Variants in NEXN observed in about 807,000 individuals in gnomAD.
NEXN encodes nexilin.
In NEXN, 65 loss-of-function variants were observed where a neutral mutation model predicts 92.6. The observed-to-expected ratio is 0.70, with a 90% CI of 0.57 to 0.86. The LOEUF (loss-of-function observed/expected upper bound fraction) is 0.86, where lower values mean the gene tolerates loss of function less well. Ranked by LOEUF, NEXN falls within the 40% of genes least tolerant of loss-of-function variation. NEXN has a pLI of 0.00. For missense variants in NEXN, 778 were observed against 771.1 expected (o/e 1.01, Z -0.11); for synonymous variants, 254 against 242.5 (o/e 1.05, Z -0.44).
intron 1 of NEXN, among the ~76,000 whole-genome samples, chr1:77,912,958 A>T (rs1648698257): frequency 6.6e-6 from 1 of 152,236 alleles, no homozygotes; most frequent in Non-Finnish European, 1.5e-5. Context: ...CATTAAAATT[A>T]AAAAATTCTG....
rs964605974 is a variant in NEXN, at chr1:77,929,210, T to C, written c.865-106T>C. The C allele has an allele frequency of 6.6e-6, 5 of 755,148 alleles. No homozygotes were observed. The Admixed American group carries it at 9.2e-5, about 14-fold the overall frequency. The allele number at this position is 755,148 out of a possible 1,614,324, so 46.8% of individuals were successfully genotyped here. On this transcript the variant is annotated intron_variant, in intron 8 of 12. Transcript: ENST00000334785. ...ATTTAGGTCAAGTATATTAAGGGCATTGAAACTCCTGTGTGATAGTGGCTA... is the reference window on the plus strand; with the variant it reads ...ATTTAGGTCAAGTATATTAAGGGCACTGAAACTCCTGTGTGATAGTGGCTA...
chr1:77,897,832 G>A (rs1571069708), intron 1 of NEXN, among the ~76,000 whole-genome samples: 1 of 151,896 alleles, frequency 6.6e-6, no homozygotes, highest in East Asian at 1.9e-4. Context: ...CAAAATCAAT[G>A]TGCAAAAATC....
intron 1 of NEXN, among the ~76,000 whole-genome samples, chr1:77,904,674 G>C (rs1029738599): frequency 2.6e-5 from 4 of 152,218 alleles, no homozygotes; most frequent in Non-Finnish European, 5.9e-5. Context: ...CAGGGAGTAA[G>C]AGAAGTGCAA....
At position 77,929,565 on chromosome 1, in the gene NEXN, A is replaced by G; in HGVS notation, c.1053+61A>G. On this transcript the variant is annotated intron_variant, in intron 9 of 12. Coordinates refer to ENST00000334785, the MANE Select transcript of NEXN (RefSeq NM_144573.4). ...TTCACCTTTGAGAATATGTTAATAGAATCATTAGACTTTAGAGAATACCCT... is the reference window on the plus strand; with the variant it reads ...TTCACCTTTGAGAATATGTTAATAGGATCATTAGACTTTAGAGAATACCCT... 4.4e-6 allele frequency: 7 copies of G among 1,600,308 alleles called. No individual in the cohort carries two copies. In the South Asian group the frequency reaches 7.8e-5, roughly 18 times the overall value.
At chr1:77,915,143 A>G (rs986370838) in intron 1 of NEXN, among the ~76,000 whole-genome samples, 1 of 151,278 alleles carries the variant, frequency 6.6e-6, no homozygotes, top group Non-Finnish European at 1.5e-5. Context: ...GTGAGACCCC[A>G]TTTCTATAGA....
chr1:77,933,644 T>C (rs907039448), intron 10 of NEXN, among the ~76,000 whole-genome samples, 165 bp downstream of exon 10: 3 of 152,214 alleles, frequency 2.0e-5, no homozygotes, highest in African/African-American at 7.2e-5. Context: ...GTGTACTTTC[T>C]AGTCTGCTTT....
chr1:77,935,696 T>C, intron 10 of NEXN, 127 bp from the exon 11 acceptor site: 1 of 736,248 alleles, frequency 1.4e-6, no homozygotes, highest in Non-Finnish European at 2.3e-6. Flanking sequence ...CATGTGCCTG[T>C]AGTCCCAGCT....
rs71075780 is a variant in NEXN at position 77,934,011 on chromosome 1, A to ATTTTTTTTTTT, written c.1251+538_1251+548dup. On this transcript the variant is annotated intron_variant, in intron 10 of 12. Coordinates refer to ENST00000334785, the MANE Select transcript of NEXN (RefSeq NM_144573.4). ...CAGCACCATGTCTGGCTAATTTTTA[A>ATTTTTTTTTTT]TTTTTTTTTTTTTTTTGAGATGGAG... Among the ~76,000 whole-genome samples, 15 of 114,320 alleles carry ATTTTTTTTTTT rather than the reference A, an allele frequency of 1.3e-4. 1 individual carries two copies. Among genetic ancestry groups the ATTTTTTTTTTT allele is most frequent in the African/African-American group, 3.3e-4 (9 of 27,660 alleles). The allele number at this position is 114,320 out of a possible 152,430, so 75.0% of individuals were successfully genotyped here.
intron 1 of NEXN, among the ~76,000 whole-genome samples, chr1:77,909,361 A>T (rs1648384501): frequency 6.6e-6 from 1 of 152,138 alleles, no homozygotes; most frequent in Non-Finnish European, 1.5e-5. Flanking sequence ...CAGAAGTTGC[A>T]ATGAGCCAAG....
chr1:77,904,799 G>GTGTT (rs1457883596), intron 1 of NEXN, among the ~76,000 whole-genome samples: 1 of 152,190 alleles, frequency 6.6e-6, no homozygotes, highest in Non-Finnish European at 1.5e-5. Flanking sequence ...AACCTTACCT[G>GTGTT]TGTTTGCAAA....
intron 1 of NEXN, among the ~76,000 whole-genome samples, chr1:77,891,170 GATTT>G (rs1647097799): frequency 6.6e-6 from 1 of 152,032 alleles, no homozygotes; most frequent in Non-Finnish European, 1.5e-5. Flanking sequence ...AGGGTGGGTG[GATTT>G]GTACCCAGAA....
intron 9 of NEXN, chr1:77,932,912 C>T (rs1650420295): frequency 5.3e-6 from 1 of 187,532 alleles, no homozygotes; most frequent in Admixed American, 5.4e-5. Flanking sequence ...CGCCTGTAAT[C>T]CCAGCACTTT....
intron 9 of NEXN, chr1:77,931,862 CCT>C (rs1650339769): frequency 4.6e-5 from 7 of 152,254 alleles, no homozygotes; most frequent in Admixed American, 3.3e-4. Flanking sequence ...CTCTCATTCC[CCT>C]GTGTGTATTT....
chr1:77,909,893 A>G (rs1304882550), intron 1 of NEXN, among the ~76,000 whole-genome samples: 2 of 152,244 alleles, frequency 1.3e-5, no homozygotes, highest in Non-Finnish European at 2.9e-5. Context: ...CGGACATCAC[A>G]AGAAAAGATA....
rs1314447003 is a variant in NEXN at position 77,935,726 on chromosome 1, GA to G, written c.1252-96del. On this transcript the variant is annotated intron_variant, in intron 10 of 12. Transcript: ENST00000334785. ...CCAGCTCCTTGGGAAGCTGAGGCAG[GA>G]GGATTGCTTAAACACAGGAATTCAA... 7.2e-5 allele frequency: 76 copies of G among 1,051,356 alleles called. No individual in the cohort carries two copies. The African/African-American group carries it at 1.1e-3, about 15-fold the overall frequency. 65.1% of individuals were successfully genotyped at this position (1,051,356 alleles called of 1,614,324 possible).
chr1:77,919,733 G>C (rs1649272452), intron 5 of NEXN, among the ~76,000 whole-genome samples: 1 of 151,918 alleles, frequency 6.6e-6, no homozygotes, highest in Admixed American at 6.6e-5. Flanking sequence ...CTGAGTAGCA[G>C]GGATTACAGG....
At chr1:77,927,798 ACTT>A (rs907777027) in intron 8 of NEXN, among the ~76,000 whole-genome samples, 57 of 146,884 alleles carry the variant, frequency 3.9e-4, no homozygotes, top group African/African-American at 1.3e-3. Flanking sequence ...GAAAGCGCCT[ACTT>A]CTTTTTTTTT....
chr1:77,942,241 G>A, intron 12 of NEXN, 33 bp downstream of exon 12: 2 of 1,602,262 alleles, frequency 1.2e-6, no homozygotes, highest in Non-Finnish European at 1.7e-6. Context: ...ATTTTCCAAA[G>A]ATGCCCTCTT....
chr1:77,898,378 T>G (rs1229325039), intron 1 of NEXN, among the ~76,000 whole-genome samples: 3 of 152,164 alleles, frequency 2.0e-5, no homozygotes, highest in African/African-American at 7.2e-5. Flanking sequence ...CTATCTGATC[T>G]TTGACAAACC....
Sources: gnomAD v4.1 joint callset for allele counts (sites outside exome capture counted in the v4.1 genomes callset) on GRCh38, gnomAD v4.1.1 for gene constraint, MANE v1.5 for transcripts, NCBI Gene and HGNC (gene_info 2026-07-23, HGNC 2026-07-21) for gene names.